The following DTNBP1 variants were observed in gnomAD, a reference collection of about 807,000 sequenced individuals.
DTNBP1 encodes dystrobrevin binding protein 1.
A neutral mutation model predicts 42.8 loss-of-function variants in DTNBP1; 35 were observed. That is an observed-to-expected ratio of 0.82 (90% CI 0.63 to 1.09). The LOEUF (loss-of-function observed/expected upper bound fraction) is 1.09. Ranked by LOEUF, DTNBP1 falls within the 50% of genes least tolerant of loss-of-function variation. The pLI, the probability that DTNBP1 is intolerant of heterozygous loss-of-function variation, is 0.00. For missense variants in DTNBP1, 457 were observed against 424.2 expected (o/e 1.08, Z -0.68); for synonymous variants, 171 against 162.2 (o/e 1.05, Z -0.41).
intron 1 of DTNBP1, among the ~76,000 whole-genome samples, chr6:15,654,484 T>G (rs192288863): frequency 6.6e-6 from 1 of 152,232 alleles, no homozygotes; most frequent in Non-Finnish European, 1.5e-5. Flanking sequence ...AGATCCTCTT[T>G]GGACTACTCT....
chr6:15,614,889 G>T (rs971789630), intron 6 of DTNBP1, among the ~76,000 whole-genome samples: 3 of 152,182 alleles, frequency 2.0e-5, no homozygotes, highest in Non-Finnish European at 4.4e-5. Flanking sequence ...CCTTTCCACA[G>T]CCTGAGCTCA....
intron 3 of DTNBP1, among the ~76,000 whole-genome samples, chr6:15,650,396 C>T (rs1184069980): frequency 2.2e-5 from 3 of 139,318 alleles, no homozygotes; most frequent in African/African-American, 8.8e-5. Flanking sequence ...GATTTTCCTG[C>T]CTCAGCCCCG....
intron 5 of DTNBP1, among the ~76,000 whole-genome samples, chr6:15,621,132 T>C (rs993345814): frequency 6.6e-6 from 1 of 152,214 alleles, no homozygotes; most frequent in African/African-American, 2.4e-5. Flanking sequence ...CTTACACACC[T>C]ATAAGTTATT....
Position 15,556,009 on chromosome 6 carries a change from G to C in DTNBP1, c.512-22614C>G, listed in dbSNP as rs567980065. 2.0e-5 allele frequency among the ~76,000 whole-genome samples: 3 copies of C among 152,096 alleles called. No individual in the cohort carries two copies. In the South Asian group the frequency reaches 6.2e-4, roughly 32 times the overall value. ...TGCAGCACTAATTGGCCAACTTTGC[G>C]TAAGTAGTATTTTGTCCAGGGTAAA... is the stretch of plus-strand genomic sequence containing the variant. On this transcript the variant is annotated intron_variant, in intron 7 of 9. Transcript: ENST00000344537.
intron 6 of DTNBP1, among the ~76,000 whole-genome samples, chr6:15,611,512 TAC>T (rs1426609776): frequency 6.6e-6 from 1 of 152,184 alleles, no homozygotes; most frequent in Non-Finnish European, 1.5e-5. Context: ...ATTTAAGAAA[TAC>T]AATTTGTAAG....
At chr6:15,657,280 C>T (rs1761339273) in intron 1 of DTNBP1, among the ~76,000 whole-genome samples, 1 of 152,236 alleles carries the variant, frequency 6.6e-6, no homozygotes, top group Admixed American at 6.5e-5. Flanking sequence ...CACAAATTCA[C>T]TGTTAACTGT....
At chr6:15,655,640 T>TAA (rs5874522) in intron 1 of DTNBP1, among the ~76,000 whole-genome samples, 6,757 of 140,972 alleles carry the variant, frequency 0.048, 301 homozygotes, top group East Asian at 0.25. Flanking sequence ...AAAACGAAGT[T>TAA]AAAAAAAAAA....
chr6:15,587,689 C>T lies in DTNBP1; in HGVS notation c.511+5370G>A, dbSNP rs1776136335. 6.6e-6 allele frequency among the ~76,000 whole-genome samples: 1 copy of T among 152,202 alleles called. No homozygotes were observed. Among genetic ancestry groups the T allele is most frequent in the Admixed American group, 6.5e-5 (1 of 15,268 alleles). ...TAAGGCTTGTGAGGGAGACTTCGGGCATGGTGCAGCCTAGAGCCCCAAGGT... is the reference window on the plus strand; with the variant it reads ...TAAGGCTTGTGAGGGAGACTTCGGGTATGGTGCAGCCTAGAGCCCCAAGGT... On this transcript the variant is annotated intron_variant, in intron 7 of 9. Transcript: ENST00000344537. The surrounding 1 kb of genome is among the most constrained non-coding windows in gnomAD (Gnocchi z 4.1).
intron 7 of DTNBP1, among the ~76,000 whole-genome samples, chr6:15,560,064 T>C (rs1774754386): frequency 6.6e-6 from 1 of 152,156 alleles, no homozygotes; most frequent in Admixed American, 6.5e-5. Context: ...TCCCAGCACT[T>C]TGGGAGGCTG....
chr6:15,560,003 T>C (rs1201656874), intron 7 of DTNBP1, among the ~76,000 whole-genome samples: 1 of 152,210 alleles, frequency 6.6e-6, no homozygotes, highest in Non-Finnish European at 1.5e-5. Context: ...TAACGGTTAC[T>C]ATTTTGATTA....
chr6:15,597,462 A>G (rs1776560098), intron 6 of DTNBP1, among the ~76,000 whole-genome samples: 1 of 152,196 alleles, frequency 6.6e-6, no homozygotes, highest in Admixed American at 6.5e-5. Flanking sequence ...AGGAGTTTTA[A>G]GTTCCAGTCA....
chr6:15,530,895 G>A (rs1229124998), intron 8 of DTNBP1, among the ~76,000 whole-genome samples: 2 of 152,162 alleles, frequency 1.3e-5, no homozygotes, highest in Non-Finnish European at 2.9e-5. Flanking sequence ...CGGCCAGGGT[G>A]TATCTGTATG....
At chr6:15,552,252 T>C (rs985299287) in intron 7 of DTNBP1, among the ~76,000 whole-genome samples, 3 of 152,098 alleles carry the variant, frequency 2.0e-5, no homozygotes, top group African/African-American at 7.2e-5. Context: ...ATGCCAAAAA[T>C]AAATCACATC....
chr6:15,612,013 C>T (rs1581391610), intron 6 of DTNBP1, among the ~76,000 whole-genome samples: 1 of 152,202 alleles, frequency 6.6e-6, no homozygotes, highest in East Asian at 1.9e-4. Flanking sequence ...AGTAATTCTA[C>T]TATGGGTGAA....
At chr6:15,615,552 T>C (rs570206382) in intron 5 of DTNBP1, among the ~76,000 whole-genome samples, 153 bp from the exon 6 acceptor site, 83 of 152,240 alleles carry the variant, frequency 5.5e-4, no homozygotes, top group Non-Finnish European at 8.7e-4. Flanking sequence ...AAATAAAATA[T>C]ACTGGCCAAC....
intron 7 of DTNBP1, among the ~76,000 whole-genome samples, chr6:15,543,404 C>T (rs763712858): frequency 3.1e-4 from 47 of 152,180 alleles, no homozygotes; most frequent in Non-Finnish European, 5.6e-4. Context: ...ATGCGCTGTG[C>T]GTGCAGATGG....
chr6:15,589,515 G>A (rs1397422786), intron 7 of DTNBP1, among the ~76,000 whole-genome samples: 1 of 152,170 alleles, frequency 6.6e-6, no homozygotes, highest in Non-Finnish European at 1.5e-5. Context: ...TGGTTACCAT[G>A]CCTGCTGGCC....
intron 7 of DTNBP1, among the ~76,000 whole-genome samples, chr6:15,547,416 C>G (rs1033445059): frequency 1.3e-5 from 2 of 152,188 alleles, no homozygotes; most frequent in Admixed American, 6.5e-5. Context: ...TGCTTGAGAA[C>G]CACTGCTCTA....
intron 7 of DTNBP1, among the ~76,000 whole-genome samples, chr6:15,545,475 C>A (rs1000443608): frequency 1.3e-5 from 2 of 152,030 alleles, no homozygotes; most frequent in Non-Finnish European, 2.9e-5. Context: ...TTTTCTTAAC[C>A]CTTGCTCCAA....
Sources: gnomAD v4.1 joint callset for allele counts (sites outside exome capture counted in the v4.1 genomes callset) on GRCh38, gnomAD v4.1.1 for gene constraint, Gnocchi (gnomAD v3.1) non-coding constraint, MANE v1.5 for transcripts, NCBI Gene and HGNC (gene_info 2026-07-23, HGNC 2026-07-21) for gene names.